Variants in GRIN2C observed in about 807,000 individuals in gnomAD.
GRIN2C encodes the protein glutamate receptor ionotropic, NMDA 2C.
In GRIN2C, 64 loss-of-function variants were observed where a neutral mutation model predicts 77.7. The observed-to-expected ratio is 0.82, with a 90% CI of 0.67 to 1.01. The LOEUF is 1.01. GRIN2C is among the 50% of genes least tolerant of loss of function. The pLI, the probability that GRIN2C is intolerant of heterozygous loss-of-function variation, is 0.00. For missense variants in GRIN2C, 1,549 were observed against 1,486.0 expected, an observed-to-expected ratio of 1.04 and a Z score of -0.70; for synonymous variants, 792 against 643.4, an observed-to-expected ratio of 1.23 and a Z score of -3.49.
At position 74,854,346 on chromosome 17, in the gene GRIN2C, G is replaced by T. The variant is rs1465554560; in HGVS notation, c.399+348C>A. 3 of 248,214 alleles carry T rather than the reference G, an allele frequency of 1.2e-5. No individual in the cohort carries two copies. The Admixed American group carries it at 1.6e-4, about 13-fold the overall frequency. The allele number at this position is 248,214 out of a possible 1,614,324, so 15.4% of individuals were successfully genotyped here. A position where few individuals can be genotyped will look rare whatever the true frequency, so the allele number is the denominator to read the frequency against. On this transcript the variant is annotated intron_variant, in intron 2 of 12. Coordinates refer to ENST00000293190, the MANE Select transcript of GRIN2C (RefSeq NM_000835.6). Reference sequence around the variant, plus strand: ...CAGGTCAACTACCACTGCCCAGAGGGCATGGCACCACCTCCATGCCCGGCT... The same window carrying T: ...CAGGTCAACTACCACTGCCCAGAGGTCATGGCACCACCTCCATGCCCGGCT...
intron 7 of GRIN2C, 88 bp from the exon 8 acceptor site, chr17:74,848,065 T>C: frequency 6.8e-7 from 1 of 1,465,802 alleles, no homozygotes; most frequent in Middle Eastern, 1.8e-4. Context: ...TAGGTCCACG[T>C]GATCAAAGTA....
chr17:74,852,204 GA>G lies in GRIN2C; in HGVS notation c.806del (p.Phe269SerfsTer68). On this transcript the variant is annotated frameshift_variant, in exon 3 of 13. Transcript: ENST00000293190. LOFTEE classifies it high-confidence loss of function. ...TGACGACGCTGATGAGGCCCACGGG[GA>G]AGGTGGCGGGGGGCGCATCGGTGCT... ...LGSTDAPPAT[F>X]PVGLISVVTE... 6.9e-7 allele frequency: 1 copy of G among 1,452,398 alleles called. No homozygotes were observed. Among genetic ancestry groups the G allele is most frequent in the Non-Finnish European group, 9.0e-7 (1 of 1,104,990 alleles). 90.0% of individuals were successfully genotyped at this position (1,452,398 alleles called of 1,614,324 possible).
intron 2 of GRIN2C, chr17:74,853,338 AAG>A (rs1297359950): frequency 2.0e-5 from 3 of 152,346 alleles, no homozygotes; most frequent in South Asian, 4.1e-4. Flanking sequence ...GCAAGGAAAA[AAG>A]AGAGACAGAC....
Position 74,849,955 on chromosome 17 carries a change from G to A in GRIN2C, c.1492-22C>T. On this transcript the variant is annotated intron_variant, in intron 6 of 12. Coordinates refer to ENST00000293190, the MANE Select transcript of GRIN2C (RefSeq NM_000835.6). The surrounding 1 kb of genome is among the most constrained non-coding windows in gnomAD (Gnocchi z 4.6). The stretch of plus-strand genomic sequence containing the variant: ...ACACCTGGGGGCCGGACGCCACGGA[G>A]GTTTGAAAAAGGGGCTCCCGTGGGG... The A allele has an allele frequency of 1.2e-6, 2 of 1,603,028 alleles. No individual in the cohort carries two copies. The highest frequency in any genetic ancestry group is 1.3e-5 in the African/African-American group (1 of 74,128).
rs373406017 is a variant in GRIN2C at position 74,846,793 on chromosome 17, G to C, written c.2129C>G (p.Ser710Trp). 6.2e-7 allele frequency: 1 copy of C among 1,614,106 alleles called. No homozygotes were observed. The highest frequency in any genetic ancestry group is 8.5e-7 in the Non-Finnish European group (1 of 1,180,002). Residue 710 changes from serine to tryptophan, a missense_variant, in exon 10 of 13, where the codon TCG becomes TGG. Transcript: ENST00000293190. This position sits in a 1 kb window ranked among gnomAD's most constrained non-coding sequence, Gnocchi z 4.4. ...HTHMVKFNQR[S>W]VEDALTSLKM... ...GAGGCTGGTGAGCGCGTCCTCCACCGAGCGCTGGTTGAACTTGACCATGTG... is the reference window on the plus strand; with the variant it reads ...GAGGCTGGTGAGCGCGTCCTCCACCCAGCGCTGGTTGAACTTGACCATGTG...
In GRIN2C at chr17:74,850,296, T is replaced by C. The variant is rs2144585707; in HGVS notation, c.1401A>G (p.Arg467=). 1.2e-6 allele frequency: 2 copies of C among 1,613,746 alleles called. No individual in the cohort carries two copies. The highest frequency in any genetic ancestry group is 1.3e-5 in the African/African-American group (1 of 74,974). The change falls in exon 6 of 13, where the codon AGA becomes AGG. Residue 467 remains arginine (R), a synonymous_variant. Transcript: ENST00000293190. The surrounding 1 kb of genome is among the most constrained non-coding windows in gnomAD (Gnocchi z 5.3). ...ACAGGTCGTAGGAGAATTTGACCAC[T>C]CTGGCCAGCTTCTTGAGGATGTCGA... ...FCIDILKKLA[R]VVKFSYDLYL... is the part of the protein sequence containing the mutation.
At position 74,851,688 on chromosome 17, in the gene GRIN2C, G is replaced by C. The variant is rs1369065072; in HGVS notation, c.1002C>G (p.His334Gln). Residue 334 changes from histidine to glutamine, a missense_variant, in exon 4 of 13, where the codon CAC becomes CAG. Coordinates refer to ENST00000293190, the MANE Select transcript of GRIN2C (RefSeq NM_000835.6). ...GGCCCTCCCAGGTGACATTCAGTAG[G>C]TGCCTGCCAGAGGGGAGAGATGCCT... ...VSPAREAFYR[H>Q]LLNVTWEGRD... The C allele has an allele frequency of 1.9e-6, 3 of 1,550,270 alleles. No homozygotes were observed. The highest frequency in any genetic ancestry group is 2.6e-6 in the Non-Finnish European group (3 of 1,143,126).
intron 1 of GRIN2C, among the ~76,000 whole-genome samples, chr17:74,856,836 T>G (rs997898552): frequency 5.9e-5 from 9 of 152,142 alleles, no homozygotes; most frequent in Non-Finnish European, 1.2e-4. Flanking sequence ...TGGGCCTTCT[T>G]GTATCTCTAG....
At position 74,850,464 on chromosome 17, in the gene GRIN2C, C is replaced by G. The variant is rs189974140; in HGVS notation, c.1325+92G>C. 7.0e-6 allele frequency: 11 copies of G among 1,561,524 alleles called. No homozygotes were observed. The East Asian group carries it at 2.5e-4, about 35-fold the overall frequency. ...CTCCTCCAGCCTGGCACGTGGACCC[C>G]TGCCCCACACCCAAGCATGGGACAT... On this transcript the variant is annotated intron_variant, in intron 5 of 12. Transcript: ENST00000293190. This position sits in a 1 kb window ranked among gnomAD's most constrained non-coding sequence, Gnocchi z 5.3.
In GRIN2C at chr17:74,842,626, A is replaced by C. The variant is rs1214811370; in HGVS notation, c.3511T>G (p.Cys1171Gly). 2.6e-6 allele frequency: 2 copies of C among 756,642 alleles called. No individual in the cohort carries two copies. Among genetic ancestry groups the C allele is most frequent in the Non-Finnish European group, 4.9e-6 (2 of 406,576 alleles). The allele number at this position is 756,642 out of a possible 1,614,324, so 46.9% of individuals were successfully genotyped here. The change falls in exon 13 of 13, where the codon TGT becomes GGT. Residue 1171 changes from cysteine (C) to glycine (G), a missense_variant. Coordinates refer to ENST00000293190, the MANE Select transcript of GRIN2C (RefSeq NM_000835.6). ...GAGAGCCAGGAGCCGTGGCTGGCAC[A>C]GGGTGGAAGGTGAGGACAGACAGCC... ...WGAVCPHLPPCASHGSWLSGA... is the reference protein window; with the variant it reads ...WGAVCPHLPPGASHGSWLSGA...
rs1299994173 is a variant in GRIN2C, at chr17:74,847,815, A to C, written c.1771+37T>G. 6.2e-7 allele frequency: 1 copy of C among 1,610,812 alleles called. No homozygotes were observed. The highest frequency in any genetic ancestry group is 8.5e-7 in the Non-Finnish European group (1 of 1,177,712). ...CCTGAGCCCAGCCCTCAGGGTGCCC[A>C]GGCCCACCCCTCCTGCCGGGCCCAG... On this transcript the variant is annotated intron_variant, in intron 8 of 12. Coordinates refer to ENST00000293190, the MANE Select transcript of GRIN2C (RefSeq NM_000835.6). This position sits in a 1 kb window ranked among gnomAD's most constrained non-coding sequence, Gnocchi z 5.2.
chr17:74,846,297 G>A lies in GRIN2C; in HGVS notation c.2163-44C>T, dbSNP rs377066872. On this transcript the variant is annotated intron_variant, in intron 10 of 12. Transcript: ENST00000293190. The surrounding 1 kb of genome is among the most constrained non-coding windows in gnomAD (Gnocchi z 4.4). ...TCAGAGCTAGGGACCATATGGGAGGGGAGGGGACACCGAAACTGGGGCGTG... is the reference window on the plus strand; with the variant it reads ...TCAGAGCTAGGGACCATATGGGAGGAGAGGGGACACCGAAACTGGGGCGTG... 6.4e-7 allele frequency: 1 copy of A among 1,571,812 alleles called. No individual in the cohort carries two copies. The highest frequency in any genetic ancestry group is 8.7e-7 in the Non-Finnish European group (1 of 1,143,878).
At chr17:74,856,185 T>G (rs2037813747) in intron 1 of GRIN2C, among the ~76,000 whole-genome samples, 2 of 152,338 alleles carry the variant, frequency 1.3e-5, no homozygotes, top group Admixed American at 1.3e-4. Context: ...CCCTCCCAGC[T>G]GGCCATCGGC....
At chr17:74,844,813 C>T (rs766216282) in intron 11 of GRIN2C, among the ~76,000 whole-genome samples, 1 of 152,194 alleles carries the variant, frequency 6.6e-6, no homozygotes. Context: ...AGCATTCATT[C>T]ATTCACTCCT....
intron 2 of GRIN2C, chr17:74,853,934 G>T (rs557573976): frequency 1.3e-5 from 2 of 152,348 alleles, no homozygotes; most frequent in East Asian, 3.9e-4. Flanking sequence ...CTTGCTTAGG[G>T]AAAAGCCCAA....
chr17:74,855,285 G>A (rs1484502959), intron 1 of GRIN2C, among the ~76,000 whole-genome samples, 178 bp from the exon 2 acceptor site: 1 of 152,196 alleles, frequency 6.6e-6, no homozygotes, highest in East Asian at 1.9e-4. Flanking sequence ...CAAAGAGAAA[G>A]AGACAGAGGT....
Position 74,842,483 on chromosome 17 carries a change from C to T in GRIN2C, c.3654G>A (p.Pro1218=), listed in dbSNP as rs753097366. 2 of 778,342 alleles carry T rather than the reference C, an allele frequency of 2.6e-6. No individual in the cohort carries two copies. 48.2% of individuals were successfully genotyped at this position (778,342 alleles called of 1,614,324 possible). ...AGATCCGTCTCCAGGTGCAGGGTCC[C>T]GGGAAGCCTTGCGTCCCACGGGCTA... ...SRVARGTQGF[P]GPCTWRRISS... The change falls in exon 13 of 13, where the codon CCG becomes CCA. Residue 1218 remains proline, a synonymous_variant. Coordinates refer to ENST00000293190, the MANE Select transcript of GRIN2C (RefSeq NM_000835.6).
rs533076462 is a variant in GRIN2C, at chr17:74,852,309, C to T, written c.702G>A (p.Glu234=). ...CCTGCGCCGCCTCGGCGAAGAGCAC[C>T]TCGGCCTCCTCGCGCGAGCAGTAGG... ...FVAYCSREEA[E]VLFAEAAQAG... Residue 234 remains glutamate, a synonymous_variant, in exon 3 of 13, where the codon GAG becomes GAA. Transcript: ENST00000293190. 2.1e-6 allele frequency: 3 copies of T among 1,448,746 alleles called. No individual in the cohort carries two copies. The highest frequency in any genetic ancestry group is 2.7e-6 in the Non-Finnish European group (3 of 1,107,732). 89.7% of individuals were successfully genotyped at this position (1,448,746 alleles called of 1,614,324 possible). A position where few individuals can be genotyped will look rare whatever the true frequency, so the allele number is the denominator to read the frequency against.
intron 2 of GRIN2C, chr17:74,853,401 C>T (rs1172866611): frequency 6.6e-6 from 1 of 152,204 alleles, no homozygotes; most frequent in Non-Finnish European, 1.5e-5. Flanking sequence ...ACCAACCAAC[C>T]GGCACGTGTG....
Sources: allele counts gnomAD v4.1 joint callset (sites outside exome capture counted in the v4.1 genomes callset), GRCh38; gene constraint gnomAD v4.1.1; non-coding constraint Gnocchi (gnomAD v3.1); transcripts MANE v1.5; gene names NCBI Gene and HGNC (gene_info 2026-07-23, HGNC 2026-07-21).